Variants in TENT5D observed in about 807,000 individuals in gnomAD.
TENT5D encodes the protein cancer/testis antigen 112.
For synonymous variants in TENT5D, 103 were observed against 100.6 expected (o/e 1.02, Z -0.15); for missense variants, 191 against 287.0 (o/e 0.67, Z 2.42).
chrX:80,430,138 T>TA (rs1317120024), intron 1 of TENT5D, among the ~76,000 whole-genome samples: 1 of 111,135 alleles, frequency 9.0e-6, no homozygotes, highest in South Asian at 3.8e-4. Flanking sequence ...TGGCTAGGAG[T>TA]AAAAAAACAT....
intron 3 of TENT5D, among the ~76,000 whole-genome samples, chrX:80,380,925 G>A: frequency 9.0e-6 from 1 of 111,584 alleles, no homozygotes; most frequent in Admixed American, 9.5e-5. Context: ...TTTTCAGTCT[G>A]TGTCTTTTAA....
chrX:80,397,164 C>T (rs1347633417), intron 3 of TENT5D, among the ~76,000 whole-genome samples: 1 of 104,520 alleles, frequency 9.6e-6, no homozygotes, highest in Non-Finnish European at 2.0e-5. Flanking sequence ...GGGCTCCTCA[C>T]TTCTCAGATG....
intron 3 of TENT5D, among the ~76,000 whole-genome samples, chrX:80,407,957 C>A (rs1383776261): frequency 9.0e-6 from 1 of 111,523 alleles, no homozygotes; most frequent in Non-Finnish European, 1.9e-5. Flanking sequence ...TCACTCAAAA[C>A]TGCTCAACTA....
chrX:80,413,717 A>G (rs1404470835), intron 3 of TENT5D, among the ~76,000 whole-genome samples: 7 of 111,891 alleles, frequency 6.3e-5, no homozygotes, highest in Non-Finnish European at 1.9e-5. Context: ...GTGGAACTGT[A>G]AGTCCAATTA....
chrX:80,356,808 C>A (rs57546055), intron 3 of TENT5D, among the ~76,000 whole-genome samples: 10,574 of 110,347 alleles, frequency 0.096, 520 homozygotes, highest in African/African-American at 0.18. Context: ...ATGTGCACAA[C>A]GTGCAGGTTT....
intron 1 of TENT5D, among the ~76,000 whole-genome samples, chrX:80,433,901 G>A (rs990347926): frequency 1.8e-5 from 2 of 110,732 alleles, no homozygotes; most frequent in Non-Finnish European, 1.9e-5. Flanking sequence ...TTTGGAGGCC[G>A]AGGCAGATGG....
At chrX:80,371,095 T>C (rs958627893) in intron 3 of TENT5D, among the ~76,000 whole-genome samples, 1 of 112,245 alleles carries the variant, frequency 8.9e-6, no homozygotes, top group Admixed American at 9.5e-5. Context: ...TGATTCCATT[T>C]TGTTGAGCTG....
chrX:80,430,058 G>C (rs1195388220), intron 1 of TENT5D, among the ~76,000 whole-genome samples: 1 of 109,529 alleles, frequency 9.1e-6, no homozygotes, highest in Non-Finnish European at 1.9e-5. Flanking sequence ...GGCTATAGGA[G>C]ACATGGTGTT....
At chrX:80,352,720 CA>C (rs1189877322) in intron 3 of TENT5D, among the ~76,000 whole-genome samples, 1,108 of 19,897 alleles carry the variant, frequency 0.056, 15 homozygotes, top group African/African-American at 0.11. Flanking sequence ...AGCAAACAAA[CA>C]AAAAAAAAAA....
At chrX:80,384,346 C>A in intron 3 of TENT5D, among the ~76,000 whole-genome samples, 1 of 63,378 alleles carries the variant, frequency 1.6e-5, no homozygotes, top group Non-Finnish European at 3.0e-5. Flanking sequence ...TCAATAGATG[C>A]AGAAAAGGCC....
At chrX:80,370,615 CTG>C (rs760852076) in intron 3 of TENT5D, among the ~76,000 whole-genome samples, 121 of 111,848 alleles carry the variant, frequency 1.1e-3, no homozygotes, top group African/African-American at 3.7e-3. Context: ...GCTTAATAGT[CTG>C]TTATCTAAAA....
At chrX:80,403,217 T>C (rs1012852597) in intron 3 of TENT5D, among the ~76,000 whole-genome samples, 1 of 112,133 alleles carries the variant, frequency 8.9e-6, no homozygotes, top group Non-Finnish European at 1.9e-5. Context: ...TGCACTCTTA[T>C]AAACAATCAA....
chrX:80,343,858 C>A (rs1930008757), intron 3 of TENT5D, among the ~76,000 whole-genome samples: 1 of 111,008 alleles, frequency 9.0e-6, no homozygotes, highest in South Asian at 3.8e-4. Context: ...GGGTAAATAG[C>A]AAGTTGCTGG....
chrX:80,433,298 G>C (rs192626517), intron 1 of TENT5D, among the ~76,000 whole-genome samples: 1 of 112,181 alleles, frequency 8.9e-6, no homozygotes, highest in Admixed American at 9.5e-5. Context: ...GAGTGGGCCA[G>C]AGGTTTGTGC....
intron 3 of TENT5D, among the ~76,000 whole-genome samples, chrX:80,412,594 T>C (rs1189289420): frequency 1.8e-5 from 2 of 111,620 alleles, no homozygotes; most frequent in Non-Finnish European, 3.8e-5. Flanking sequence ...CCGTAAATCA[T>C]CTCTCTCAAG....
chrX:80,396,461 G>T (rs1240987739), intron 3 of TENT5D, among the ~76,000 whole-genome samples: 8 of 109,443 alleles, frequency 7.3e-5, no homozygotes, highest in Non-Finnish European at 1.5e-4. Flanking sequence ...TGAGATTAGG[G>T]AGTGGTGATG....
chrX:80,357,331 C>T (rs1250764102), intron 3 of TENT5D, among the ~76,000 whole-genome samples: 25 of 108,972 alleles, frequency 2.3e-4, no homozygotes, highest in Non-Finnish European at 3.6e-4. Context: ...CCTGAGGAAT[C>T]GCCACACTGA....
At position 80,383,805 on chromosome X, in the gene TENT5D, G is replaced by A. The variant is rs940646024; in HGVS notation, c.-142+41241G>A. 9.0e-5 allele frequency among the ~76,000 whole-genome samples: 10 copies of A among 111,206 alleles called. No individual in the cohort carries two copies. In the East Asian group the frequency reaches 1.4e-3, roughly 16 times the overall value. ...CGGGAGGTGGAGCTTGCAGTGAGCCGAGATTGTGCCACGGCACTCTAGCCT... is the reference window on the plus strand; with the variant it reads ...CGGGAGGTGGAGCTTGCAGTGAGCCAAGATTGTGCCACGGCACTCTAGCCT... On this transcript the variant is annotated intron_variant, in intron 3 of 4. Transcript: ENST00000538312.
intron 3 of TENT5D, among the ~76,000 whole-genome samples, chrX:80,403,127 G>A (rs1931419897): frequency 8.9e-6 from 1 of 112,002 alleles, no homozygotes; most frequent in Non-Finnish European, 1.9e-5. Context: ...TAGAATTAAA[G>A]GTAATATGTT....
Sources: gnomAD v4.1 joint callset for allele counts (sites outside exome capture counted in the v4.1 genomes callset) on GRCh38, gnomAD v4.1.1 for gene constraint, MANE v1.5 for transcripts, NCBI Gene and HGNC (gene_info 2026-07-23, HGNC 2026-07-21) for gene names.